FRMPD1: variants seen among roughly 807,000 people sequenced by gnomAD.
FRMPD1 encodes FERM and PDZ domain containing 1.
In FRMPD1, 76 loss-of-function variants were observed where a neutral mutation model predicts 117.8. The ratio of observed to expected loss-of-function variants is 0.65; its 90% CI spans 0.54 to 0.78. The LOEUF is 0.78. FRMPD1 is among the 30% of genes least tolerant of loss of function. FRMPD1 has a pLI of 0.00. For synonymous variants in FRMPD1, 783 were observed against 770.4 expected (o/e 1.02, Z -0.27); for missense variants, 1,786 against 1,964.5 (o/e 0.91, Z 1.72).
At chr9:37,744,088 G>A (rs1284960451) in intron 15 of FRMPD1, among the ~76,000 whole-genome samples, 1 of 151,952 alleles carries the variant, frequency 6.6e-6, no homozygotes, top group Non-Finnish European at 1.5e-5. Flanking sequence ...ACTCCGGGGG[G>A]ATGAGGCAGG....
intron 2 of FRMPD1, among the ~76,000 whole-genome samples, chr9:37,705,674 G>GT (rs1028245383): frequency 1.3e-5 from 2 of 149,934 alleles, no homozygotes; most frequent in Non-Finnish European, 3.0e-5. Flanking sequence ...AGCTCTAAAT[G>GT]TTTTTTACAA....
intron 1 of FRMPD1, among the ~76,000 whole-genome samples, chr9:37,659,914 C>T (rs1424757662): frequency 7.9e-5 from 4 of 50,724 alleles, no homozygotes; most frequent in African/African-American, 5.6e-4. Context: ...TTTTCAAGCA[C>T]TAAAAAAAAA....
chr9:37,617,233 C>T, the FRMPD1 span, among the ~76,000 whole-genome samples: 1 of 152,158 alleles, frequency 6.6e-6, no homozygotes, highest in African/African-American at 2.4e-5. Context: ...TATGCCATGA[C>T]GACAAACATT....
At chr9:37,722,043 G>GA (rs1274401779) in intron 6 of FRMPD1, among the ~76,000 whole-genome samples, 1 of 152,062 alleles carries the variant, frequency 6.6e-6, no homozygotes, top group Admixed American at 6.5e-5. Flanking sequence ...AAGTACTAAG[G>GA]AAAAAATTTC....
At chr9:37,641,709 C>A in the FRMPD1 span, among the ~76,000 whole-genome samples, 4,747 of 152,270 alleles carry the variant, frequency 0.031, 234 homozygotes, top group African/African-American at 0.11. Flanking sequence ...AGGAGAGGAA[C>A]CTTCCAAGAC....
intron 1 of FRMPD1, among the ~76,000 whole-genome samples, chr9:37,685,608 T>TGC (rs1563930975): frequency 3.3e-5 from 5 of 152,030 alleles, no homozygotes; most frequent in Admixed American, 6.5e-5. Flanking sequence ...GCCGAGATCT[T>TGC]GCCACTGCAC....
chr9:37,612,014 C>A, the FRMPD1 span, among the ~76,000 whole-genome samples: 1 of 152,290 alleles, frequency 6.6e-6, no homozygotes, highest in Admixed American at 6.5e-5. Flanking sequence ...CTCAGTGGTT[C>A]TTTCCTCCAC....
chr9:37,642,970 C>T, the FRMPD1 span, among the ~76,000 whole-genome samples: 1 of 152,236 alleles, frequency 6.6e-6, no homozygotes, highest in South Asian at 2.1e-4. Context: ...AAGAATTCTA[C>T]TTTGATTTAT....
the FRMPD1 span, among the ~76,000 whole-genome samples, chr9:37,642,354 C>T: frequency 3.9e-3 from 596 of 152,244 alleles, 4 homozygotes; most frequent in African/African-American, 0.013. Context: ...ATAGGCTGTT[C>T]TCTCTGCCTG....
the FRMPD1 span, among the ~76,000 whole-genome samples, chr9:37,628,358 G>A: frequency 6.6e-6 from 1 of 152,108 alleles, no homozygotes; most frequent in Admixed American, 6.6e-5. Context: ...TTGGACTCAG[G>A]ACAAAAGAGA....
intron 1 of FRMPD1, among the ~76,000 whole-genome samples, chr9:37,690,366 T>A (rs1376926478): frequency 7.9e-5 from 12 of 151,924 alleles, no homozygotes; most frequent in African/African-American, 2.9e-4. Flanking sequence ...TAATACTTTA[T>A]CTTTTTGAAG....
At chr9:37,678,569 A>G (rs981050148) in intron 1 of FRMPD1, among the ~76,000 whole-genome samples, 11 of 150,750 alleles carry the variant, frequency 7.3e-5, no homozygotes, top group Admixed American at 4.0e-4. Context: ...CGTACTTACC[A>G]CTTTCTAACA....
At chr9:37,696,086 A>G (rs1471893725) in intron 2 of FRMPD1, among the ~76,000 whole-genome samples, 6 of 133,066 alleles carry the variant, frequency 4.5e-5, no homozygotes, top group Non-Finnish European at 9.4e-5. Flanking sequence ...AATATCTAGA[A>G]GTCATCGAGC....
At chr9:37,674,781 T>C (rs1482673313) in intron 1 of FRMPD1, among the ~76,000 whole-genome samples, 1 of 152,164 alleles carries the variant, frequency 6.6e-6, no homozygotes, top group Non-Finnish European at 1.5e-5. Context: ...TTATTCACTA[T>C]CATGAGAATA....
chr9:37,729,702 C>T (rs1272745099), intron 7 of FRMPD1, 26 bp from the exon 8 acceptor site: 1 of 1,611,892 alleles, frequency 6.2e-7, no homozygotes, highest in Non-Finnish European at 8.5e-7. Flanking sequence ...TCTTGCGTAA[C>T]TCCTGCACCT....
chr9:37,735,430 G>A, intron 12 of FRMPD1, 122 bp from the exon 13 acceptor site: 1 of 713,634 alleles, frequency 1.4e-6, no homozygotes, highest in Non-Finnish European at 2.4e-6. Context: ...GTCTGGAGGA[G>A]TGGTGGTTAG....
At chr9:37,730,206 T>G (rs1158529014) in intron 8 of FRMPD1, among the ~76,000 whole-genome samples, 1 of 152,226 alleles carries the variant, frequency 6.6e-6, no homozygotes, top group Non-Finnish European at 1.5e-5. Flanking sequence ...TTTGAGCCAT[T>G]AGGGAAGCAT....
intron 1 of FRMPD1, among the ~76,000 whole-genome samples, chr9:37,658,761 A>T (rs1820913146): frequency 6.6e-6 from 1 of 152,256 alleles, no homozygotes; most frequent in East Asian, 1.9e-4. Flanking sequence ...TAATCCAAGG[A>T]TAAGCACGTC....
At chr9:37,626,683 G>A in the FRMPD1 span, among the ~76,000 whole-genome samples, 3 of 142,206 alleles carry the variant, frequency 2.1e-5, no homozygotes, top group African/African-American at 7.8e-5. Flanking sequence ...TAGCTACTTG[G>A]GATGCTGAGG....
Sources: gnomAD v4.1 joint callset for allele counts (sites outside exome capture counted in the v4.1 genomes callset) on GRCh38, gnomAD v4.1.1 for gene constraint, MANE v1.5 for transcripts, NCBI Gene and HGNC (gene_info 2026-07-23, HGNC 2026-07-21) for gene names.